Variants in PCDHGA10 observed in about 807,000 individuals in gnomAD.
PCDHGA10 encodes the protein protocadherin gamma-A10.
PCDHGA10 carries 42 observed loss-of-function variants against 59.5 expected under a neutral mutation model. The observed-to-expected ratio is 0.71, with a 90% CI of 0.55 to 0.91. The LOEUF is 0.91. Among genes scored for constraint, PCDHGA10 ranks in the 40% least tolerant of loss-of-function variants. The pLI is 0.00. For synonymous variants in PCDHGA10, 511 were observed against 517.2 expected (o/e 0.99, Z 0.16); for missense variants, 1,111 against 1,198.2 (o/e 0.93, Z 1.07).
At chr5:141,470,323 A>G (rs1029928511) in intron 1 of PCDHGA10, among the ~76,000 whole-genome samples, 1 of 152,188 alleles carries the variant, frequency 6.6e-6, no homozygotes, top group Non-Finnish European at 1.5e-5. Context: ...AAATGATCCC[A>G]TAATTTGACC....
At chr5:141,471,302 C>T (rs111827070) in intron 1 of PCDHGA10, 9,302 of 152,168 alleles carry the variant, frequency 0.061, 339 homozygotes, top group South Asian at 0.12. Flanking sequence ...CCACCCAACT[C>T]GGCCTCCCAA....
At chr5:141,423,926 T>C (rs925790302) in intron 1 of PCDHGA10, 2 of 1,245,276 alleles carry the variant, frequency 1.6e-6, no homozygotes, top group Non-Finnish European at 2.0e-6. Flanking sequence ...CTATGCTGGT[T>C]TGGTTTGAAG....
chr5:141,415,739 G>A, intron 1 of PCDHGA10, 128 bp downstream of exon 1: 4 of 434,948 alleles, frequency 9.2e-6, no homozygotes, highest in Non-Finnish European at 1.3e-5. Context: ...TGTTTATTAA[G>A]GTTTTTTTTT....
At chr5:141,415,688 T>C (rs373105795) in intron 1 of PCDHGA10, 77 bp downstream of exon 1, 1 of 1,546,006 alleles carries the variant, frequency 6.5e-7, no homozygotes, top group Admixed American at 2.0e-5. Context: ...GGCATGATGG[T>C]GGAAAGTGTA....
intron 1 of PCDHGA10, among the ~76,000 whole-genome samples, chr5:141,484,321 G>A (rs2099594762): frequency 6.6e-6 from 1 of 152,124 alleles, no homozygotes; most frequent in Non-Finnish European, 1.5e-5. Flanking sequence ...CTTCCATACT[G>A]TCCTTGAAAT....
At chr5:141,454,665 CA>C (rs2098795764) in intron 1 of PCDHGA10, among the ~76,000 whole-genome samples, 3 of 152,058 alleles carry the variant, frequency 2.0e-5, no homozygotes, top group Non-Finnish European at 4.4e-5. Flanking sequence ...CTCGGCCTCC[CA>C]AAACACTGGG....
At chr5:141,452,161 A>G (rs559274240) in intron 1 of PCDHGA10, among the ~76,000 whole-genome samples, 1 of 152,204 alleles carries the variant, frequency 6.6e-6, no homozygotes, top group South Asian at 2.1e-4. Context: ...GTTATATTCT[A>G]TTACTAACAT....
intron 1 of PCDHGA10, chr5:141,419,113 C>A: frequency 6.2e-7 from 1 of 1,613,872 alleles, no homozygotes; most frequent in Non-Finnish European, 8.5e-7. Flanking sequence ...CCCCAGAGTA[C>A]AACGTCACCA....
Position 141,489,120 on chromosome 5 carries a change from G to T in PCDHGA10, c.2437-5687G>T. On this transcript the variant is annotated intron_variant, in intron 1 of 3. Coordinates refer to ENST00000398610, the MANE Select transcript of PCDHGA10 (RefSeq NM_018913.3). The surrounding 1 kb of genome is among the most constrained non-coding windows in gnomAD (Gnocchi z 4.5). Reference sequence around the variant, plus strand: ...AACTGCTGCAAGCAGGCAAACCTCCGAGCAGTTTTTAAGAGGCTGGAAGGA... The same window carrying T: ...AACTGCTGCAAGCAGGCAAACCTCCTAGCAGTTTTTAAGAGGCTGGAAGGA... 2.2e-6 allele frequency: 1 copy of T among 445,672 alleles called. No individual in the cohort carries two copies. The highest frequency in any genetic ancestry group is 3.8e-6 in the Non-Finnish European group (1 of 264,754). The allele number at this position is 445,672 out of a possible 1,614,324, so 27.6% of individuals were successfully genotyped here.
intron 1 of PCDHGA10, chr5:141,427,830 C>T (rs749612858): frequency 7.8e-6 from 12 of 1,538,204 alleles, no homozygotes; most frequent in African/African-American, 1.4e-5. Flanking sequence ...GGTCGCGCAG[C>T]GTGCCTTCGA....
At position 141,427,779 on chromosome 5, in the gene PCDHGA10, C is replaced by T. The variant is rs1196661076; in HGVS notation, c.2436+12168C>T. On this transcript the variant is annotated intron_variant, in intron 1 of 3. Transcript: ENST00000398610. Reference sequence around the variant, plus strand: ...TACCACTGACTTGGAGCTGCGGGCACTGTCGTCCTACGTGTCCGTGAGCGC... The same window carrying T: ...TACCACTGACTTGGAGCTGCGGGCATTGTCGTCCTACGTGTCCGTGAGCGC... 2.1e-6 allele frequency: 3 copies of T among 1,454,498 alleles called. No individual in the cohort carries two copies. The East Asian group carries it at 6.8e-5, about 33-fold the overall frequency. The allele number at this position is 1,454,498 out of a possible 1,614,324, so 90.1% of individuals were successfully genotyped here. A position where few individuals can be genotyped will look rare whatever the true frequency, so the allele number is the denominator to read the frequency against.
At chr5:141,460,411 T>TG (rs2098988114) in intron 1 of PCDHGA10, among the ~76,000 whole-genome samples, 1 of 152,212 alleles carries the variant, frequency 6.6e-6, no homozygotes, top group Non-Finnish European at 1.5e-5. Context: ...TTTGAGTTGA[T>TG]GTTTATGTAT....
intron 1 of PCDHGA10, chr5:141,428,502 G>T: frequency 7.1e-6 from 2 of 282,686 alleles, no homozygotes; most frequent in Non-Finnish European, 6.9e-6. Flanking sequence ...ATGTTCCCTC[G>T]GATTCTAGAA....
At position 141,432,455 on chromosome 5, in the gene PCDHGA10, G is replaced by A; in HGVS notation, c.2436+16844G>A. The A allele has an allele frequency of 6.2e-7, 1 of 1,614,176 alleles. No individual in the cohort carries two copies. The highest frequency in any genetic ancestry group is 8.5e-7 in the Non-Finnish European group (1 of 1,180,042). On this transcript the variant is annotated intron_variant, in intron 1 of 3. Transcript: ENST00000398610. The surrounding 1 kb of genome is among the most constrained non-coding windows in gnomAD (Gnocchi z 6.0). ...CAATGCGCCCGAGATCCTGTACCCCGCCCTCCCCACGGACGGTTCCACTGG... is the reference window on the plus strand; with the variant it reads ...CAATGCGCCCGAGATCCTGTACCCCACCCTCCCCACGGACGGTTCCACTGG...
rs188874944 is a variant in PCDHGA10, at chr5:141,446,708, C to T, written c.2436+31097C>T. Among the ~76,000 whole-genome samples, 183 of 152,314 alleles carry T rather than the reference C, an allele frequency of 1.2e-3. 1 individual carries two copies. The highest frequency in any genetic ancestry group is 2.1e-3 in the Admixed American group (32 of 15,302). On this transcript the variant is annotated intron_variant, in intron 1 of 3. Coordinates refer to ENST00000398610, the MANE Select transcript of PCDHGA10 (RefSeq NM_018913.3). ...GGCCAGGCTGGTCTCGAACTCTGAT[C>T]TGCCCGCCTCGGCCTCCCAAAGTGT...
At chr5:141,445,148 C>A (rs1051995635) in intron 1 of PCDHGA10, among the ~76,000 whole-genome samples, 3 of 152,092 alleles carry the variant, frequency 2.0e-5, no homozygotes, top group Non-Finnish European at 4.4e-5. Context: ...TCTAATTGTT[C>A]ATTTCTAGTT....
chr5:141,494,749 G>C (rs573811540), intron 1 of PCDHGA10, 58 bp from the exon 2 acceptor site: 3 of 1,612,818 alleles, frequency 1.9e-6, no homozygotes, highest in South Asian at 2.2e-5. Context: ...CTAGGGGCTC[G>C]GGTGACATTC....
At chr5:141,478,395 T>C in intron 1 of PCDHGA10, 1 of 1,613,510 alleles carries the variant, frequency 6.2e-7, no homozygotes, top group Non-Finnish European at 8.5e-7. Flanking sequence ...TACCATCAGG[T>C]GTATCTCACC....
At position 141,418,204 on chromosome 5, in the gene PCDHGA10, T is replaced by G. The variant is rs1456912993; in HGVS notation, c.2436+2593T>G. ...AAGCTGTGGTGGAAAATCCTTTAAATATTTTTCATGTCATTGTGGTGATTG... is the reference window on the plus strand; with the variant it reads ...AAGCTGTGGTGGAAAATCCTTTAAAGATTTTTCATGTCATTGTGGTGATTG... On this transcript the variant is annotated intron_variant, in intron 1 of 3. Transcript: ENST00000398610. The G allele has an allele frequency of 2.5e-6, 4 of 1,614,054 alleles. No homozygotes were observed. The East Asian group carries it at 8.9e-5, about 36-fold the overall frequency.
Sources: allele counts gnomAD v4.1 joint callset (sites outside exome capture counted in the v4.1 genomes callset), GRCh38; gene constraint gnomAD v4.1.1; non-coding constraint Gnocchi (gnomAD v3.1); transcripts MANE v1.5; gene names NCBI Gene and HGNC (gene_info 2026-07-23, HGNC 2026-07-21).